The following BABAM2 variants were observed in gnomAD, a reference collection of about 807,000 sequenced individuals.
The protein encoded by BABAM2 is BRISC and BRCA1 A complex member 2, also known as BRISC and BRCA1-A complex member 2.
In BABAM2, 31 loss-of-function variants were observed where a neutral mutation model predicts 54.7. The ratio of observed to expected loss-of-function variants is 0.57; its 90% CI spans 0.43 to 0.77. The LOEUF (loss-of-function observed/expected upper bound fraction) is 0.77. BABAM2 is among the 30% of genes least tolerant of loss of function. The pLI is 0.00. For synonymous variants in BABAM2, 167 were observed against 162.9 expected, an observed-to-expected ratio of 1.03 and a Z score of -0.19; for missense variants, 364 against 455.8, an observed-to-expected ratio of 0.80 and a Z score of 1.83.
chr2:27,895,541 C>T (rs1424107099), intron 2 of BABAM2, among the ~76,000 whole-genome samples: 1 of 152,120 alleles, frequency 6.6e-6, no homozygotes, highest in African/African-American at 2.4e-5. Flanking sequence ...TATATGATAT[C>T]CATATGCCTT....
intron 6 of BABAM2, among the ~76,000 whole-genome samples, chr2:28,110,853 A>G (rs957350411): frequency 6.6e-6 from 1 of 152,006 alleles, no homozygotes; most frequent in African/African-American, 2.4e-5. Flanking sequence ...GTTTCTTGAC[A>G]TTCTCGCCAA....
At chr2:28,023,399 T>C (rs1675415213) in intron 4 of BABAM2, among the ~76,000 whole-genome samples, 1 of 152,212 alleles carries the variant, frequency 6.6e-6, no homozygotes. Flanking sequence ...TTAGCAATGC[T>C]CTCTGAAGGA....
chr2:27,974,322 AT>A (rs1472362793), intron 3 of BABAM2, among the ~76,000 whole-genome samples: 31 of 152,276 alleles, frequency 2.0e-4, no homozygotes, highest in Admixed American at 8.5e-4. Flanking sequence ...AGCAAATTGA[AT>A]TTAGCAACAT....
At chr2:27,922,437 T>C (rs1272798040) in intron 2 of BABAM2, among the ~76,000 whole-genome samples, 1 of 152,232 alleles carries the variant, frequency 6.6e-6, no homozygotes, top group Non-Finnish European at 1.5e-5. Context: ...CTCAGCATTT[T>C]ATTGCGTCAA....
chr2:28,130,962 A>G (rs1328364674), intron 7 of BABAM2, among the ~76,000 whole-genome samples: 1 of 152,064 alleles, frequency 6.6e-6, no homozygotes, highest in Non-Finnish European at 1.5e-5. Flanking sequence ...GCTGGTCTCG[A>G]ACTCCTGACC....
At chr2:28,014,556 A>T (rs926377871) in intron 4 of BABAM2, among the ~76,000 whole-genome samples, 7 of 150,990 alleles carry the variant, frequency 4.6e-5, no homozygotes, top group Non-Finnish European at 8.8e-5. Context: ...ATTGGTGTCT[A>T]CTTAGCTATT....
intron 10 of BABAM2, among the ~76,000 whole-genome samples, chr2:28,272,863 T>C (rs1357608357): frequency 6.6e-6 from 1 of 152,036 alleles, no homozygotes; most frequent in Non-Finnish European, 1.5e-5. Flanking sequence ...GAGAGGCCAT[T>C]GAACTGGGGA....
At chr2:27,903,856 A>G (rs1218268554) in intron 2 of BABAM2, among the ~76,000 whole-genome samples, 1 of 151,530 alleles carries the variant, frequency 6.6e-6, no homozygotes, top group Non-Finnish European at 1.5e-5. Context: ...ACATCAGCAT[A>G]TTTTTTTTTA....
intron 11 of BABAM2, among the ~76,000 whole-genome samples, chr2:28,301,801 T>C (rs1206983058): frequency 6.6e-6 from 1 of 152,236 alleles, no homozygotes; most frequent in Non-Finnish European, 1.5e-5. Context: ...CACATCTTCA[T>C]ATATATTTTG....
intron 7 of BABAM2, among the ~76,000 whole-genome samples, chr2:28,185,312 C>T (rs1558416539): frequency 1.3e-5 from 2 of 152,304 alleles, no homozygotes; most frequent in East Asian, 1.9e-4. Context: ...GGGTCTGTTT[C>T]TAGGTGGAAT....
intron 6 of BABAM2, among the ~76,000 whole-genome samples, chr2:28,094,173 A>G (rs578193188): frequency 6.6e-6 from 1 of 152,208 alleles, no homozygotes; most frequent in Non-Finnish European, 1.5e-5. Flanking sequence ...AAAATAACAC[A>G]AATATCTATA....
intron 3 of BABAM2, among the ~76,000 whole-genome samples, chr2:27,970,937 C>A (rs1384083454): frequency 6.6e-6 from 1 of 151,962 alleles, no homozygotes; most frequent in Non-Finnish European, 1.5e-5. Flanking sequence ...CTCTTCATGG[C>A]TGTATTCAGT....
intron 3 of BABAM2, among the ~76,000 whole-genome samples, chr2:27,931,233 A>G (rs1668070924): frequency 6.6e-6 from 1 of 152,166 alleles, no homozygotes; most frequent in Non-Finnish European, 1.5e-5. Context: ...TGAAAAAATT[A>G]TTAACTAAAT....
At chr2:27,902,757 G>A in intron 2 of BABAM2, among the ~76,000 whole-genome samples, 1 of 152,150 alleles carries the variant, frequency 6.6e-6, no homozygotes, top group Non-Finnish European at 1.5e-5. Flanking sequence ...GTAATTACAT[G>A]TATTACAAAT....
intron 6 of BABAM2, among the ~76,000 whole-genome samples, chr2:28,055,140 T>G (rs149161308): frequency 8.0e-4 from 122 of 152,300 alleles, no homozygotes; most frequent in South Asian, 2.5e-3. Flanking sequence ...GAGGTCATTA[T>G]CCTAAGGAAA....
chr2:27,967,067 A>G (rs191992750), intron 3 of BABAM2, among the ~76,000 whole-genome samples: 5 of 152,300 alleles, frequency 3.3e-5, no homozygotes, highest in Admixed American at 2.6e-4. Context: ...TCCAGGAGAA[A>G]CATATATTTC....
Position 28,310,223 on chromosome 2 carries a change from G to A in BABAM2, c.1088+11732G>A, listed in dbSNP as rs544513070. ...GTGAAATGATAAGCTCCATTGAAAA[G>A]CCTGGCCATCAATTACTGCCAATAC... On this transcript the variant is annotated intron_variant, in intron 11 of 11. Transcript: ENST00000379624. The A allele has an allele frequency of 1.6e-5, 25 of 1,515,450 alleles. No individual in the cohort carries two copies. In the East Asian group the frequency reaches 5.2e-4, roughly 32 times the overall value. 93.9% of individuals were successfully genotyped at this position (1,515,450 alleles called of 1,614,324 possible).
chr2:28,062,836 G>A (rs1424180521), intron 6 of BABAM2, among the ~76,000 whole-genome samples: 2 of 152,150 alleles, frequency 1.3e-5, no homozygotes, highest in East Asian at 1.9e-4. Context: ...GGTTTCTAAT[G>A]TGTGCCATTC....
Position 28,129,270 on chromosome 2 carries a change from G to T in BABAM2, c.571-1G>T. On this transcript the variant is annotated splice_acceptor_variant, in intron 6 of 11. Transcript: ENST00000379624. LOFTEE classifies it high-confidence loss of function. ...TGTTGTGTTTTCACTTCTTGTTTAA[G>T]GATGTAAATGAAGACCCTGGAGAAG... is the stretch of plus-strand genomic sequence containing the variant. 1 of 1,612,002 alleles carries T rather than the reference G, an allele frequency of 6.2e-7. No homozygotes were observed. Among genetic ancestry groups the T allele is most frequent in the East Asian group, 2.2e-5 (1 of 44,852 alleles).
Sources: gnomAD v4.1 joint callset for allele counts (sites outside exome capture counted in the v4.1 genomes callset) on GRCh38, gnomAD v4.1.1 for gene constraint, MANE v1.5 for transcripts, NCBI Gene and HGNC (gene_info 2026-07-23, HGNC 2026-07-21) for gene names.